EREG: variants seen among roughly 807,000 people sequenced by gnomAD.
EREG encodes the protein proepiregulin.
In EREG, 23 loss-of-function variants were observed where a neutral mutation model predicts 22.4. The observed-to-expected ratio is 1.03, with a 90% CI of 0.74 to 1.46. The LOEUF (loss-of-function observed/expected upper bound fraction) is 1.46, where lower values mean the gene tolerates loss of function less well. Among genes scored for constraint, EREG ranks in the 40% most tolerant of loss-of-function variants. The pLI, the probability that EREG is intolerant of heterozygous loss-of-function variation, is 0.00. For missense variants in EREG, 226 were observed against 205.9 expected, an observed-to-expected ratio of 1.10 and a Z score of -0.60; for synonymous variants, 100 against 75.4, an observed-to-expected ratio of 1.33 and a Z score of -1.69.
intron 1 of EREG, among the ~76,000 whole-genome samples, chr4:74,379,168 C>T (rs551810494): frequency 1.3e-5 from 2 of 152,148 alleles, no homozygotes; most frequent in Non-Finnish European, 2.9e-5. Context: ...AATCAAACTT[C>T]AAAATCAAAT....
At position 74,384,828 on chromosome 4, in the gene EREG, G is replaced by A. The variant is rs1752543579; in HGVS notation, c.*20G>A. 2.7e-6 allele frequency: 4 copies of A among 1,503,808 alleles called. No homozygotes were observed. The highest frequency in any genetic ancestry group is 3.7e-6 in the Non-Finnish European group (4 of 1,080,580). The allele number at this position is 1,503,808 out of a possible 1,614,324, so 93.2% of individuals were successfully genotyped here. ...GTCTGAATGGCGCCATCAAACTTAT[G>A]GGCAGGGATAACAGTGTGCCTGGTT... On this transcript the variant is annotated 3_prime_UTR_variant, in exon 5 of 5. Coordinates refer to ENST00000244869, the MANE Select transcript of EREG (RefSeq NM_001432.3).
rs376675128 is a variant in EREG, at chr4:74,381,066, C to T, written c.207C>T (p.Ser69=). 57 of 1,613,366 alleles carry T rather than the reference C, an allele frequency of 3.5e-5. No individual in the cohort carries two copies. The highest frequency in any genetic ancestry group is 4.5e-5 in the Non-Finnish European group (53 of 1,179,546). ...CTCAAGTGTCAATAACAAAGTGTAG[C>T]TCTGACATGAATGGCTATTGTTTGC... ...RVAQVSITKC[S]SDMNGYCLHG... is the part of the protein sequence containing the mutation. Residue 69 remains serine (S), a synonymous_variant, in exon 3 of 5, where the codon AGC becomes AGT. Coordinates refer to ENST00000244869, the MANE Select transcript of EREG (RefSeq NM_001432.3).
intron 1 of EREG, among the ~76,000 whole-genome samples, chr4:74,373,728 A>G (rs1351892627): frequency 6.7e-6 from 1 of 149,050 alleles, no homozygotes; most frequent in East Asian, 1.9e-4. Context: ...ATATAAGTAT[A>G]TACGTGTGCG....
chr4:74,365,178 A>T lies in EREG; in HGVS notation c.-131A>T, dbSNP rs553484807. 6.4e-5 allele frequency: 44 copies of T among 684,648 alleles called. 1 individual carries two copies. In the South Asian group the frequency reaches 7.2e-4, roughly 11 times the overall value. The allele number at this position is 684,648 out of a possible 1,614,324, so 42.4% of individuals were successfully genotyped here. A position where few individuals can be genotyped will look rare whatever the true frequency, so the allele number is the denominator to read the frequency against. On this transcript the variant is annotated 5_prime_UTR_variant, in exon 1 of 5. Transcript: ENST00000244869. ...GATATTTCCAGTGTCAGAGGGACAC[A>T]GCCAACGTGGGGTCCCTTCTAGGCT... is the stretch of plus-strand genomic sequence containing the variant.
At chr4:74,371,087 C>A (rs1003138328) in intron 1 of EREG, among the ~76,000 whole-genome samples, 55 of 152,128 alleles carry the variant, frequency 3.6e-4, no homozygotes, top group African/African-American at 1.3e-3. Context: ...CCAGACATTA[C>A]CATATGGTAG....
intron 1 of EREG, 65 bp from the exon 2 acceptor site, chr4:74,379,383 G>T: frequency 9.8e-7 from 1 of 1,024,724 alleles, no homozygotes; most frequent in Non-Finnish European, 1.5e-6. Context: ...CAGTTATGTA[G>T]AAATTTGATC....
rs1752552958 is a variant in EREG, at chr4:74,385,384, C to T, written c.*576C>T. The T allele has an allele frequency of 1.3e-5, 2 of 152,906 alleles. No individual in the cohort carries two copies. The highest frequency in any genetic ancestry group is 4.1e-4 in the South Asian group (2 of 4,832). The allele number at this position is 152,906 out of a possible 1,614,324, so 9.5% of individuals were successfully genotyped here. A position where few individuals can be genotyped will look rare whatever the true frequency, so the allele number is the denominator to read the frequency against. ...CCCTGGGGAGTCTATGGTCTCTTCA[C>T]TCAGGTCTCAGCTATAATTCTGTTA... is the stretch of plus-strand genomic sequence containing the variant. On this transcript the variant is annotated 3_prime_UTR_variant, in exon 5 of 5. Coordinates refer to ENST00000244869, the MANE Select transcript of EREG (RefSeq NM_001432.3).
intron 1 of EREG, among the ~76,000 whole-genome samples, chr4:74,373,298 G>A (rs192077467): frequency 3.3e-5 from 5 of 151,928 alleles, no homozygotes; most frequent in Non-Finnish European, 7.4e-5. Flanking sequence ...GTATGATTTA[G>A]AAATGACTAC....
In EREG at chr4:74,385,684, T is replaced by C; in HGVS notation, c.*876T>C. The C allele has an allele frequency of 2.7e-6, 1 of 367,454 alleles. No individual in the cohort carries two copies. The highest frequency in any genetic ancestry group is 4.8e-6 in the Non-Finnish European group (1 of 206,408). The allele number at this position is 367,454 out of a possible 1,614,324, so 22.8% of individuals were successfully genotyped here. On this transcript the variant is annotated 3_prime_UTR_variant, in exon 5 of 5. Coordinates refer to ENST00000244869, the MANE Select transcript of EREG (RefSeq NM_001432.3). The stretch of plus-strand genomic sequence containing the variant: ...AAGAATATTTTTAGACTATTTCTTT[T>C]TATAGGGGCTTTGCTGAATTCTAAC...
At chr4:74,365,890 A>G (rs1752171997) in intron 1 of EREG, among the ~76,000 whole-genome samples, 1 of 152,152 alleles carries the variant, frequency 6.6e-6, no homozygotes. Context: ...CGCCAGTGCC[A>G]GTTGGCTGAG....
Position 74,378,853 on chromosome 4 carries a change from G to A in EREG, c.68-595G>A, listed in dbSNP as rs552901063. Among the ~76,000 whole-genome samples, 4 of 152,210 alleles carry A rather than the reference G, an allele frequency of 2.6e-5. No individual in the cohort carries two copies. The East Asian group carries it at 7.7e-4, about 29-fold the overall frequency. The stretch of plus-strand genomic sequence containing the variant: ...TATGCTGATAGAAACTGGATTCTAG[G>A]GCTCAGTATGGTTCATCTGGGATGC... On this transcript the variant is annotated intron_variant, in intron 1 of 4. Transcript: ENST00000244869.
Position 74,381,020 on chromosome 4 carries a change from C to G in EREG, c.161C>G (p.Thr54Arg), listed in dbSNP as rs1246592090. 1.2e-6 allele frequency: 2 copies of G among 1,612,892 alleles called. No homozygotes were observed. The highest frequency in any genetic ancestry group is 2.7e-5 in the African/African-American group (2 of 75,006). Residue 54 changes from threonine (T) to arginine (R), a missense_variant, in exon 3 of 5, where the codon ACA becomes AGA. Thr to Arg is a moderately conservative substitution (Grantham distance 71). Transcript: ENST00000244869. ...CTTTCCACTTCTTTTACAGTTCAGA[C>G]AGAAGACAATCCACGTGTGGCTCAA... ...SSDNCTALVQ[T>R]EDNPRVAQVS... is the part of the protein sequence containing the mutation.
intron 1 of EREG, among the ~76,000 whole-genome samples, chr4:74,368,802 A>G (rs1381706808): frequency 6.6e-6 from 1 of 152,306 alleles, no homozygotes. Context: ...GCTGCTGGGA[A>G]CATTCCATCG....
rs200774868 is a variant in EREG at position 74,365,394 on chromosome 4, G to A, written c.67+19G>A. The A allele has an allele frequency of 3.2e-4, 519 of 1,610,646 alleles. No homozygotes were observed. The highest frequency in any genetic ancestry group is 6.6e-4 in the Middle Eastern group (4 of 6,048). The stretch of plus-strand genomic sequence containing the variant: ...TGCCTGGGTAAGTTCTCCCCCTCTG[G>A]CTTCCGGCCGCCCCAAAGAGGAGAC... On this transcript the variant is annotated intron_variant, in intron 1 of 4. Coordinates refer to ENST00000244869, the MANE Select transcript of EREG (RefSeq NM_001432.3).
rs1024649717 is a variant in EREG at position 74,386,793 on chromosome 4, T to A, written c.*1985T>A. 8.0e-6 allele frequency: 1 copy of A among 125,464 alleles called. No individual in the cohort carries two copies. Among genetic ancestry groups the A allele is most frequent in the African/African-American group, 5.2e-5 (1 of 19,194 alleles). 7.8% of individuals were successfully genotyped at this position (125,464 alleles called of 1,614,324 possible). A position where few individuals can be genotyped will look rare whatever the true frequency, so the allele number is the denominator to read the frequency against. Reference sequence around the variant, plus strand: ...AAATACATTATAACAACTATTTACTTTTTTTTTTTTCTTTTTGAGATGGAG... The same window carrying A: ...AAATACATTATAACAACTATTTACTATTTTTTTTTTCTTTTTGAGATGGAG... On this transcript the variant is annotated 3_prime_UTR_variant, in exon 5 of 5. Transcript: ENST00000244869.
chr4:74,372,462 C>T (rs1752306972), intron 1 of EREG, among the ~76,000 whole-genome samples: 2 of 152,210 alleles, frequency 1.3e-5, no homozygotes, highest in South Asian at 2.1e-4. Context: ...AATATCCAGG[C>T]TTCCTGCCAC....
At position 74,379,494 on chromosome 4, in the gene EREG, A is replaced by G. The variant is rs1279027865; in HGVS notation, c.114A>G (p.Ser38=). The G allele has an allele frequency of 2.5e-6, 4 of 1,613,010 alleles. No homozygotes were observed. In the Admixed American group the frequency reaches 5.0e-5, roughly 20 times the overall value. The change falls in exon 2 of 5, where the codon TCA becomes TCG. Residue 38 remains serine, a synonymous_variant. Transcript: ENST00000244869. ...TCCTCAGTACAACTGTGATTCCATC[A>G]TGTATCCCAGGAGAGTCCAGTGATA... The part of the protein sequence containing the change: ...QAVLSTTVIP[S]CIPGESSDNC...
Position 74,385,689 on chromosome 4 carries a change from G to T in EREG, c.*881G>T. ...TATTTTTAGACTATTTCTTTTTATA[G>T]GGGCTTTGCTGAATTCTAACATTAA... is the stretch of plus-strand genomic sequence containing the variant. On this transcript the variant is annotated 3_prime_UTR_variant, in exon 5 of 5. Coordinates refer to ENST00000244869, the MANE Select transcript of EREG (RefSeq NM_001432.3). 2.7e-6 allele frequency: 1 copy of T among 369,904 alleles called. No homozygotes were observed. Among genetic ancestry groups the T allele is most frequent in the Non-Finnish European group, 4.8e-6 (1 of 207,954 alleles). 22.9% of individuals were successfully genotyped at this position (369,904 alleles called of 1,614,324 possible). A position where few individuals can be genotyped will look rare whatever the true frequency, so the allele number is the denominator to read the frequency against.
chr4:74,374,566 A>G (rs984380477), intron 1 of EREG, among the ~76,000 whole-genome samples: 7 of 152,196 alleles, frequency 4.6e-5, no homozygotes, highest in African/African-American at 9.7e-5. Context: ...AAAATGAAGC[A>G]AGGTCAAAAT....
Sources: gnomAD v4.1 joint callset for allele counts (sites outside exome capture counted in the v4.1 genomes callset) on GRCh38, gnomAD v4.1.1 for gene constraint, MANE v1.5 for transcripts, NCBI Gene and HGNC (gene_info 2026-07-23, HGNC 2026-07-21) for gene names.